Variants in CRTC1 observed in about 807,000 individuals in gnomAD.
CRTC1 encodes the protein CREB-regulated transcription coactivator 1.
Under a neutral mutation model 66.1 loss-of-function variants are expected in CRTC1, and 18 were observed. The ratio of observed to expected loss-of-function variants is 0.27; its 90% CI spans 0.19 to 0.40. The LOEUF is 0.40. Among genes scored for constraint, CRTC1 ranks in the 10% least tolerant of loss-of-function variants. The pLI is 1.00. For missense variants in CRTC1, 669 were observed against 887.9 expected, an observed-to-expected ratio of 0.75 and a Z score of 3.13; for synonymous variants, 416 against 398.8, an observed-to-expected ratio of 1.04 and a Z score of -0.51.
intron 1 of CRTC1, among the ~76,000 whole-genome samples, chr19:18,738,930 TG>T (rs1320851791): frequency 1.3e-5 from 2 of 151,876 alleles, no homozygotes; most frequent in Non-Finnish European, 2.9e-5. Flanking sequence ...GAGGGGTCAG[TG>T]GGGAAAGGAC....
rs117744256 is a variant in CRTC1, at chr19:18,766,603, G to A, written c.1011+1075G>A. On this transcript the variant is annotated intron_variant, in intron 9 of 13. Coordinates refer to ENST00000321949, the MANE Select transcript of CRTC1 (RefSeq NM_015321.3). ...TGGGATTACAGGTGACCGCCACCAC[G>A]CCTGGCTAATTAAAAAAAATAATAA... is the stretch of plus-strand genomic sequence containing the variant. Among the ~76,000 whole-genome samples, 482 of 150,066 alleles carry A rather than the reference G, an allele frequency of 3.2e-3. 14 individuals are homozygous for A. The East Asian group carries it at 0.08, about 25-fold the overall frequency.
intron 1 of CRTC1, among the ~76,000 whole-genome samples, chr19:18,698,606 A>G (rs1005691201): frequency 1.3e-5 from 2 of 151,818 alleles, no homozygotes; most frequent in African/African-American, 4.8e-5. Context: ...CCGGGCGCTC[A>G]GCAGGCGCAG....
At chr19:18,765,589 T>C in intron 9 of CRTC1, 61 bp downstream of exon 9, 3 of 1,505,978 alleles carry the variant, frequency 2.0e-6, no homozygotes, top group African/African-American at 2.7e-5. Context: ...GGCCTGGCTC[T>C]ACCTCTTAGA....
At chr19:18,774,021 T>G (rs566645406) in intron 11 of CRTC1, among the ~76,000 whole-genome samples, 1 of 152,314 alleles carries the variant, frequency 6.6e-6, no homozygotes, top group African/African-American at 2.4e-5. Flanking sequence ...GCACATGCCT[T>G]ACGCTATAGC....
At chr19:18,744,050 G>A (rs2054172521) in intron 2 of CRTC1, 8 of 1,596,678 alleles carry the variant, frequency 5.0e-6, no homozygotes, top group South Asian at 1.1e-5. Context: ...CACGCATCCC[G>A]CCTTTGGGGC....
In CRTC1 at chr19:18,758,625, TAGC is replaced by T. The variant is rs2054546189; in HGVS notation, c.625-923_625-921del. On this transcript the variant is annotated intron_variant, in intron 6 of 13. Transcript: ENST00000321949. Reference sequence around the variant, plus strand: ...GGGACGTCTCGGGACTCTCAGGAAGTAGCAGACCCTGAGGGTCCCCGGGGAAGT... The same window carrying T: ...GGGACGTCTCGGGACTCTCAGGAAGTAGACCCTGAGGGTCCCCGGGGAAGT... Among the ~76,000 whole-genome samples the T allele has an allele frequency of 2.6e-5, 4 of 152,208 alleles. No homozygotes were observed. In the South Asian group the frequency reaches 8.3e-4, roughly 32 times the overall value.
At position 18,777,497 on chromosome 19, in the gene CRTC1, C is replaced by A. The variant is rs781717072; in HGVS notation, c.*115C>A. On this transcript the variant is annotated 3_prime_UTR_variant, in exon 14 of 14. Coordinates refer to ENST00000321949, the MANE Select transcript of CRTC1 (RefSeq NM_015321.3). This position sits in a 1 kb window ranked among gnomAD's most constrained non-coding sequence, Gnocchi z 5.5. ...AGCTTGTGATTCTGAGCTTGCAATG[C>A]CGCCAAGCGCCCCCCGCCAGCCCGC... 4.0e-6 allele frequency: 4 copies of A among 990,646 alleles called. No individual in the cohort carries two copies. Among genetic ancestry groups the A allele is most frequent in the Non-Finnish European group, 1.6e-6 (1 of 643,032 alleles). The allele number at this position is 990,646 out of a possible 1,614,324, so 61.4% of individuals were successfully genotyped here.
chr19:18,736,745 C>T (rs1331352444), intron 1 of CRTC1, among the ~76,000 whole-genome samples: 2 of 150,334 alleles, frequency 1.3e-5, no homozygotes, highest in African/African-American at 5.0e-5. Context: ...GCACAGACAG[C>T]ACTTCCCTCC....
intron 1 of CRTC1, among the ~76,000 whole-genome samples, chr19:18,703,497 C>T (rs1322250469): frequency 2.0e-5 from 3 of 152,058 alleles, no homozygotes; most frequent in Non-Finnish European, 2.9e-5. Context: ...CTTGTTCTGT[C>T]GCCTAGGCTG....
chr19:18,687,007 G>T (rs970433962), intron 1 of CRTC1, among the ~76,000 whole-genome samples: 5 of 123,106 alleles, frequency 4.1e-5, no homozygotes, highest in Non-Finnish European at 6.5e-5. Context: ...CCAAGACTGA[G>T]AAACTTTTTT....
In CRTC1 at chr19:18,753,396, A is replaced by G; in HGVS notation, c.539-104A>G. On this transcript the variant is annotated intron_variant, in intron 5 of 13. Transcript: ENST00000321949. ...CCGTTAGGACAGTTGCAGTCTTACC[A>G]TGGCCATGACTCCGTGTGTCAGGGA... The G allele has an allele frequency of 3.8e-6, 3 of 797,812 alleles. 1 individual carries two copies. Among genetic ancestry groups the G allele is most frequent in the Non-Finnish European group, 6.3e-6 (3 of 474,414 alleles). 49.4% of individuals were successfully genotyped at this position (797,812 alleles called of 1,614,324 possible). A position where few individuals can be genotyped will look rare whatever the true frequency, so the allele number is the denominator to read the frequency against.
intron 11 of CRTC1, among the ~76,000 whole-genome samples, chr19:18,772,510 G>A (rs2054892291): frequency 6.6e-6 from 1 of 152,184 alleles, no homozygotes; most frequent in South Asian, 2.1e-4. Flanking sequence ...GTCCCCTGTA[G>A]AGGGGATGCT....
At chr19:18,761,428 C>T (rs1337948436) in intron 8 of CRTC1, among the ~76,000 whole-genome samples, 7 of 152,176 alleles carry the variant, frequency 4.6e-5, no homozygotes, top group Admixed American at 4.6e-4. Context: ...TGACAGACGC[C>T]ACCTTGCTGT....
chr19:18,749,737 T>A (rs758227281), intron 4 of CRTC1, 44 bp from the exon 5 acceptor site: 1 of 1,517,716 alleles, frequency 6.6e-7, no homozygotes, highest in Non-Finnish European at 9.2e-7. Flanking sequence ...TCGCATTGTC[T>A]GCCTTGGGCT....
At chr19:18,700,330 G>T (rs2053103569) in intron 1 of CRTC1, among the ~76,000 whole-genome samples, 1 of 151,988 alleles carries the variant, frequency 6.6e-6, no homozygotes, top group African/African-American at 2.4e-5. Context: ...TAGCCACCCT[G>T]TCCCTTATCC....
chr19:18,749,643 C>A, intron 4 of CRTC1, 138 bp from the exon 5 acceptor site: 1 of 693,108 alleles, frequency 1.4e-6, no homozygotes, highest in Non-Finnish European at 2.6e-6. Flanking sequence ...GTCCCGAGAG[C>A]TTTGCTCAGG....
In CRTC1 at chr19:18,728,815, C is replaced by CTTTTT. The variant is rs35465891; in HGVS notation, c.127-14084_127-14080dup. 8.6e-4 allele frequency among the ~76,000 whole-genome samples: 68 copies of CTTTTT among 79,382 alleles called. 4 individuals carry two copies. The highest frequency in any genetic ancestry group is 4.7e-4 in the Non-Finnish European group (21 of 44,904). 52.1% of individuals were successfully genotyped at this position (79,382 alleles called of 152,430 possible). On this transcript the variant is annotated intron_variant, in intron 1 of 13. Transcript: ENST00000321949. The stretch of plus-strand genomic sequence containing the variant: ...ACAGGTGTGAGCCACCTCACCTGGC[C>CTTTTT]TTTTTTTTTTTTTTTGAGACAGAGT...
chr19:18,766,721 A>G (rs2054745647), intron 9 of CRTC1, among the ~76,000 whole-genome samples: 1 of 152,240 alleles, frequency 6.6e-6, no homozygotes, highest in African/African-American at 2.4e-5. Context: ...TGCTGGGACT[A>G]TAGGCGTGAG....
At chr19:18,773,786 C>T (rs969696033) in intron 11 of CRTC1, among the ~76,000 whole-genome samples, 10 of 152,170 alleles carry the variant, frequency 6.6e-5, no homozygotes, top group East Asian at 1.9e-4. Flanking sequence ...CAAGCCTCCT[C>T]GCCCCAGGGT....
Sources: gnomAD v4.1 joint callset for allele counts (sites outside exome capture counted in the v4.1 genomes callset) on GRCh38, gnomAD v4.1.1 for gene constraint, Gnocchi (gnomAD v3.1) non-coding constraint, MANE v1.5 for transcripts, NCBI Gene and HGNC (gene_info 2026-07-23, HGNC 2026-07-21) for gene names.